AMOTL1: variants seen among roughly 807,000 people sequenced by gnomAD.
The protein encoded by AMOTL1 is angiomotin-like protein 1.
Under a neutral mutation model 102.9 loss-of-function variants are expected in AMOTL1, and 45 were observed. The observed-to-expected ratio is 0.44, with a 90% CI of 0.34 to 0.56. The LOEUF (loss-of-function observed/expected upper bound fraction) is 0.56, where lower values mean the gene tolerates loss of function less well. Ranked by LOEUF, AMOTL1 falls within the 20% of genes least tolerant of loss-of-function variation. The probability of loss-of-function intolerance (pLI) is 0.01; values close to 1 mark genes in which losing one functional copy is unlikely to be tolerated. For synonymous variants in AMOTL1, 481 were observed against 484.7 expected (o/e 0.99, Z 0.10); for missense variants, 1,114 against 1,225.6 (o/e 0.91, Z 1.36).
At chr11:94,766,504 G>A (rs1359873524), upstream of AMOTL1, among the ~76,000 whole-genome samples, 4 of 152,164 alleles carry the variant, frequency 2.6e-5, no homozygotes, top group Non-Finnish European at 5.9e-5. Flanking sequence ...TGGAAATTTT[G>A]CTGCTTCCTA....
chr11:94,707,240 CTCTCTCTCTCTGTGTGTGTGTG>C (rs764732733), intron 1 of AMOTL1, among the ~76,000 whole-genome samples: 2 of 86,908 alleles, frequency 2.3e-5, no homozygotes, highest in South Asian at 4.0e-4. Flanking sequence ...CTCTCTCTCT[CTCTCTCTCTCTGTGTGTGTGTG>C]TGTGTGTGTG....
intron 1 of AMOTL1, among the ~76,000 whole-genome samples, chr11:94,792,785 G>A (rs1332195113): frequency 6.6e-6 from 1 of 152,160 alleles, no homozygotes; most frequent in Non-Finnish European, 1.5e-5. Context: ...AAATGCTTTA[G>A]TTCTTTCATG....
chr11:94,740,742 C>G (rs2135476337), intron 2 of AMOTL1, among the ~76,000 whole-genome samples: 1 of 152,200 alleles, frequency 6.6e-6, no homozygotes, highest in South Asian at 2.1e-4. Context: ...AGTTGTCCCC[C>G]AAGTTTCTGC....
chr11:94,804,828 T>A (rs375029019), intron 3 of AMOTL1, among the ~76,000 whole-genome samples: 13 of 152,212 alleles, frequency 8.5e-5, no homozygotes, highest in African/African-American at 2.9e-4. Flanking sequence ...CAGGTGAGAA[T>A]GGAGTAGTTG....
At chr11:94,749,019 G>A (rs1301362763) in intron 3 of AMOTL1, among the ~76,000 whole-genome samples, 1 of 152,182 alleles carries the variant, frequency 6.6e-6, no homozygotes, top group African/African-American at 2.4e-5. Flanking sequence ...AGAACAAATA[G>A]GATATATATA....
intron 3 of AMOTL1, among the ~76,000 whole-genome samples, chr11:94,820,051 G>A (rs1229786951): frequency 6.6e-6 from 1 of 152,174 alleles, no homozygotes; most frequent in African/African-American, 2.4e-5. Context: ...AGACTCTTGA[G>A]CTCTAGACCT....
intron 1 of AMOTL1, among the ~76,000 whole-genome samples, chr11:94,714,033 G>A (rs1950057787): frequency 6.6e-6 from 1 of 151,940 alleles, no homozygotes; most frequent in South Asian, 2.1e-4. Context: ...GTTTTGTAGA[G>A]GTTCTTGATC....
chr11:94,830,656 GA>G (rs1952051286), intron 5 of AMOTL1, among the ~76,000 whole-genome samples: 2 of 152,316 alleles, frequency 1.3e-5, no homozygotes, highest in East Asian at 1.9e-4. Flanking sequence ...CCCCTGGGGG[GA>G]AAAAGTCCCC....
chr11:94,847,876 T>C (rs371515877), intron 6 of AMOTL1, among the ~76,000 whole-genome samples: 55 of 152,286 alleles, frequency 3.6e-4, no homozygotes, highest in African/African-American at 1.2e-3. Context: ...GCTTTGGTTG[T>C]GGCTTCTATT....
At chr11:94,835,366 G>C (rs767574097) in intron 6 of AMOTL1, among the ~76,000 whole-genome samples, 1 of 152,160 alleles carries the variant, frequency 6.6e-6, no homozygotes, top group African/African-American at 2.4e-5. Context: ...CCAGAGGCAG[G>C]TTACTGTCTG....
At chr11:94,850,964 C>T (rs118130646) in intron 7 of AMOTL1, among the ~76,000 whole-genome samples, 612 of 152,306 alleles carry the variant, frequency 4.0e-3, no homozygotes, top group Non-Finnish European at 6.2e-3. Context: ...GAAAACCTCC[C>T]CCGATGCTAA....
intron 6 of AMOTL1, among the ~76,000 whole-genome samples, chr11:94,845,067 A>G (rs1256925126): frequency 1.3e-5 from 2 of 152,264 alleles, no homozygotes; most frequent in African/African-American, 4.8e-5. Context: ...AGCACAGCAC[A>G]TAGAGCCCTG....
chr11:94,801,896 T>C (rs537646266), intron 3 of AMOTL1, among the ~76,000 whole-genome samples: 3 of 152,312 alleles, frequency 2.0e-5, no homozygotes, highest in African/African-American at 7.2e-5. Flanking sequence ...GTCATTTTCA[T>C]GAAGGGCTTT....
upstream of AMOTL1, among the ~76,000 whole-genome samples, chr11:94,766,726 G>T (rs1383356631): frequency 6.6e-6 from 1 of 152,158 alleles, no homozygotes; most frequent in Non-Finnish European, 1.5e-5. Context: ...TGAGGCAGAG[G>T]TTGTTTCTAT....
intron 7 of AMOTL1, among the ~76,000 whole-genome samples, chr11:94,851,002 A>G (rs80273608): frequency 0.018 from 2,702 of 152,316 alleles, 35 homozygotes; most frequent in African/African-American, 0.028. Context: ...TCAGATTTCA[A>G]ACACAAGGAT....
intron 1 of AMOTL1, among the ~76,000 whole-genome samples, chr11:94,773,475 A>T (rs1040719695): frequency 6.6e-6 from 1 of 152,210 alleles, no homozygotes. Flanking sequence ...TGTAGTTCCC[A>T]TTCTGAAGTG....
chr11:94,859,851 G>A (rs1168495584), intron 9 of AMOTL1, 136 bp downstream of exon 9: 105 of 975,516 alleles, frequency 1.1e-4, no homozygotes, highest in Non-Finnish European at 1.4e-4. Context: ...AGTAGTTACA[G>A]TGCTAGTTGG....
At chr11:94,755,549 T>A (rs553143931) in intron 3 of AMOTL1, among the ~76,000 whole-genome samples, 7 of 152,220 alleles carry the variant, frequency 4.6e-5, no homozygotes, top group Non-Finnish European at 1.0e-4. Context: ...AAACCTGACT[T>A]ACTGTTTCTT....
At chr11:94,798,662 A>C (rs191096868) in intron 2 of AMOTL1, among the ~76,000 whole-genome samples, 20 of 152,252 alleles carry the variant, frequency 1.3e-4, no homozygotes, top group African/African-American at 4.6e-4. Flanking sequence ...AAGAGCACTC[A>C]GGACAGAGCT....
Sources: allele counts gnomAD v4.1 joint callset (sites outside exome capture counted in the v4.1 genomes callset), GRCh38; gene constraint gnomAD v4.1.1; transcripts MANE v1.5; gene names NCBI Gene and HGNC (gene_info 2026-07-23, HGNC 2026-07-21).